The following FMNL2 variants were observed in gnomAD, a reference collection of about 807,000 sequenced individuals.
FMNL2 encodes formin-like protein 2.
FMNL2 carries 51 observed loss-of-function variants against 130.2 expected under a neutral mutation model. The ratio of observed to expected loss-of-function variants is 0.39; its 90% CI spans 0.31 to 0.49. The LOEUF (loss-of-function observed/expected upper bound fraction) is 0.49. Ranked by LOEUF, FMNL2 falls within the 20% of genes least tolerant of loss-of-function variation. The pLI is 0.85. For synonymous variants in FMNL2, 465 were observed against 467.1 expected (o/e 1.00, Z 0.06); for missense variants, 977 against 1,316.2 (o/e 0.74, Z 3.99).
At chr2:152,363,946 A>G (rs940029301) in intron 1 of FMNL2, among the ~76,000 whole-genome samples, 1 of 152,078 alleles carries the variant, frequency 6.6e-6, no homozygotes, top group African/African-American at 2.4e-5. Flanking sequence ...GCAGACCCCA[A>G]ATAACTTAGA....
chr2:152,375,877 C>CTCTCTCTCTCTATATA lies in FMNL2; in HGVS notation c.117+40158_117+40159insCTCTCTCTCTATATAT, dbSNP rs796954245. On this transcript the variant is annotated intron_variant, in intron 1 of 25. Coordinates refer to ENST00000288670, the MANE Select transcript of FMNL2 (RefSeq NM_052905.4). ...TCTCTCTCTCTCTCTCTCTCTCTCT[C>CTCTCTCTCTCTATATA]TATATATATATATATATATAATTAT... 5.7e-4 allele frequency among the ~76,000 whole-genome samples: 64 copies of CTCTCTCTCTCTATATA among 112,474 alleles called. No homozygotes were observed. The East Asian group carries it at 0.014, about 24-fold the overall frequency. The allele number at this position is 112,474 out of a possible 152,430, so 73.8% of individuals were successfully genotyped here.
intron 15 of FMNL2, among the ~76,000 whole-genome samples, chr2:152,620,279 G>A (rs16831453): frequency 0.026 from 3,975 of 152,174 alleles, 173 homozygotes; most frequent in African/African-American, 0.089. Flanking sequence ...GCCAACAGCC[G>A]TATTATCATG....
intron 9 of FMNL2, among the ~76,000 whole-genome samples, chr2:152,593,860 AGTGTGTGTGT>A (rs70974873): frequency 1.6e-3 from 183 of 113,280 alleles, no homozygotes; most frequent in Admixed American, 2.1e-3. Context: ...AGAGAGAGAG[AGTGTGTGTGT>A]GTGTGTGTGT....
chr2:152,457,411 G>C (rs550410641), intron 1 of FMNL2, among the ~76,000 whole-genome samples: 2 of 152,200 alleles, frequency 1.3e-5, no homozygotes, highest in African/African-American at 4.8e-5. Flanking sequence ...TGGGAGAGAA[G>C]TCTTTGAAGC....
intron 1 of FMNL2, among the ~76,000 whole-genome samples, chr2:152,518,011 T>C (rs1328536951): frequency 6.6e-6 from 1 of 152,232 alleles, no homozygotes; most frequent in Non-Finnish European, 1.5e-5. Context: ...AGTCCATTTT[T>C]ATAAAGGCAG....
chr2:152,464,994 A>G (rs546157608), intron 1 of FMNL2, among the ~76,000 whole-genome samples: 4 of 152,350 alleles, frequency 2.6e-5, no homozygotes, highest in Middle Eastern at 3.4e-3. Flanking sequence ...AAAAAGAGCC[A>G]TGAATGCTAA....
intron 1 of FMNL2, among the ~76,000 whole-genome samples, chr2:152,377,905 G>A (rs979788000): frequency 6.6e-6 from 1 of 152,032 alleles, no homozygotes; most frequent in African/African-American, 2.4e-5. Context: ...GCTGAGGTAG[G>A]CAAATCGCTT....
intron 2 of FMNL2, among the ~76,000 whole-genome samples, chr2:152,524,091 C>G (rs1387541703): frequency 6.6e-6 from 1 of 152,070 alleles, no homozygotes; most frequent in Non-Finnish European, 1.5e-5. Context: ...ATTCACTGCT[C>G]ATTTTTAGGA....
chr2:152,421,039 A>T (rs1251726328), intron 1 of FMNL2, among the ~76,000 whole-genome samples: 2 of 152,222 alleles, frequency 1.3e-5, no homozygotes, highest in African/African-American at 4.8e-5. Context: ...TTGGAAACAC[A>T]TAATACTGTG....
chr2:152,513,704 C>A (rs1187731724), intron 1 of FMNL2, among the ~76,000 whole-genome samples: 1 of 152,074 alleles, frequency 6.6e-6, no homozygotes, highest in East Asian at 1.9e-4. Flanking sequence ...GTCTCATTAC[C>A]ACAGTTTCCC....
chr2:152,608,112 G>T (rs1042095482), intron 10 of FMNL2, among the ~76,000 whole-genome samples: 2 of 152,110 alleles, frequency 1.3e-5, no homozygotes, highest in African/African-American at 4.8e-5. Flanking sequence ...TTCTCCAGAA[G>T]TTTTACGCTT....
At chr2:152,343,410 C>T (rs1681926261) in intron 1 of FMNL2, among the ~76,000 whole-genome samples, 1 of 152,182 alleles carries the variant, frequency 6.6e-6, no homozygotes, top group Non-Finnish European at 1.5e-5. Flanking sequence ...ATCCTCCTGC[C>T]TCAGCCTCCT....
Position 152,572,093 on chromosome 2 carries a change from C to G in FMNL2, c.597-3043C>G, listed in dbSNP as rs916127612. Among the ~76,000 whole-genome samples the G allele has an allele frequency of 1.2e-4, 18 of 152,232 alleles. No homozygotes were observed. The East Asian group carries it at 2.9e-3, about 24-fold the overall frequency. ...GTTTTTCTAATGATATTTGGTTCTT[C>G]AGTCCTGTGTATTGTGGAGGGATTT... On this transcript the variant is annotated intron_variant, in intron 6 of 25. Coordinates refer to ENST00000288670, the MANE Select transcript of FMNL2 (RefSeq NM_052905.4).
chr2:152,428,288 G>A (rs1687296925), intron 1 of FMNL2, among the ~76,000 whole-genome samples: 1 of 152,178 alleles, frequency 6.6e-6, no homozygotes, highest in African/African-American at 2.4e-5. Flanking sequence ...TTTTCTAGAT[G>A]TCTGTGGTTT....
intron 1 of FMNL2, among the ~76,000 whole-genome samples, chr2:152,427,130 A>G: frequency 6.6e-6 from 1 of 152,220 alleles, no homozygotes; most frequent in East Asian, 1.9e-4. Context: ...AATCATTCTG[A>G]TTAGGTCCCA....
In FMNL2 at chr2:152,343,672, A is replaced by G. The variant is rs781598069; in HGVS notation, c.117+7952A>G. Among the ~76,000 whole-genome samples the G allele has an allele frequency of 1.1e-4, 16 of 152,148 alleles. 1 individual carries two copies. Among genetic ancestry groups the G allele is most frequent in the Non-Finnish European group, 1.8e-4 (12 of 68,024 alleles). Reference sequence around the variant, plus strand: ...GACTGATGGTGCTTTTAAATAACACATCTCACTAGTCTCAAGACCTGTCTT... The same window carrying G: ...GACTGATGGTGCTTTTAAATAACACGTCTCACTAGTCTCAAGACCTGTCTT... On this transcript the variant is annotated intron_variant, in intron 1 of 25. Coordinates refer to ENST00000288670, the MANE Select transcript of FMNL2 (RefSeq NM_052905.4).
In FMNL2 at chr2:152,389,849, C is replaced by CT. The variant is rs771244832; in HGVS notation, c.117+54132dup. The CT allele has an allele frequency of 8.3e-5, 91 of 1,097,384 alleles. 2 individuals are homozygous for CT. The South Asian group carries it at 1.2e-3, about 14-fold the overall frequency. 68.0% of individuals were successfully genotyped at this position (1,097,384 alleles called of 1,614,324 possible). ...ATGGCAAAGAAGCTTATCATACAGACTTTCAGCCACGACAATCAGCTGGCA... is the reference window on the plus strand; with the variant it reads ...ATGGCAAAGAAGCTTATCATACAGACTTTTCAGCCACGACAATCAGCTGGCA... On this transcript the variant is annotated intron_variant, in intron 1 of 25. Transcript: ENST00000288670.
chr2:152,628,834 A>G (rs1681976377), intron 18 of FMNL2, among the ~76,000 whole-genome samples: 1 of 152,230 alleles, frequency 6.6e-6, no homozygotes, highest in Admixed American at 6.5e-5. Flanking sequence ...TTCTTTTCTC[A>G]AACTTGGTTC....
rs1406760544 is a variant in FMNL2 at position 152,549,049 on chromosome 2, C to T, written c.311C>T (p.Thr104Ile). The change falls in exon 4 of 26, where the codon ACA becomes ATA. Residue 104 changes from threonine (T) to isoleucine (I), a missense_variant. Transcript: ENST00000288670. ...KKFRRRVQES[T>I]QVLRELEISL... is the part of the protein sequence containing the mutation. ...TTCAGACGGCGTGTTCAAGAATCTA[C>T]ACAAGTGCTAAGAGAACTGGAAATT... 1.2e-6 allele frequency: 2 copies of T among 1,610,136 alleles called. No individual in the cohort carries two copies. Among genetic ancestry groups the T allele is most frequent in the African/African-American group, 1.3e-5 (1 of 74,862 alleles).
Sources: gnomAD v4.1 joint callset for allele counts (sites outside exome capture counted in the v4.1 genomes callset) on GRCh38, gnomAD v4.1.1 for gene constraint, MANE v1.5 for transcripts, NCBI Gene and HGNC (gene_info 2026-07-23, HGNC 2026-07-21) for gene names.